The following CEP162 variants were observed in gnomAD, a reference collection of about 807,000 sequenced individuals.
The protein encoded by CEP162 is centrosomal protein 162.
A neutral mutation model predicts 169.2 loss-of-function variants in CEP162; 141 were observed. That is an observed-to-expected ratio of 0.83 (90% CI 0.73 to 0.96). The LOEUF is 0.96. CEP162 is among the 40% of genes least tolerant of loss of function. CEP162 has a pLI of 0.00. For synonymous variants in CEP162, 540 were observed against 526.4 expected (o/e 1.03, Z -0.35); for missense variants, 1,600 against 1,587.2 (o/e 1.01, Z -0.14).
rs2099551414 is a variant in CEP162, at chr6:84,215,998, A to T, written c.173-76T>A. 12 of 1,427,968 alleles carry T rather than the reference A, an allele frequency of 8.4e-6. No homozygotes were observed. The South Asian group carries it at 1.5e-4, about 17-fold the overall frequency. The allele number at this position is 1,427,968 out of a possible 1,614,324, so 88.5% of individuals were successfully genotyped here. A position where few individuals can be genotyped will look rare whatever the true frequency, so the allele number is the denominator to read the frequency against. On this transcript the variant is annotated intron_variant, in intron 3 of 26. Transcript: ENST00000403245. ...TGGCCACTATGACAACACAATAATA[A>T]TGTTATGCTAATTTTGTGCACAGTA...
chr6:84,154,655 A>G (rs771346352), intron 22 of CEP162, among the ~76,000 whole-genome samples: 1 of 152,222 alleles, frequency 6.6e-6, no homozygotes, highest in Non-Finnish European at 1.5e-5. Flanking sequence ...ATTATGCAAG[A>G]TGAACAGAGA....
At chr6:84,187,061 A>T (rs1465976032) in intron 11 of CEP162, among the ~76,000 whole-genome samples, 1 of 152,140 alleles carries the variant, frequency 6.6e-6, no homozygotes, top group Non-Finnish European at 1.5e-5. Flanking sequence ...AATAATCATA[A>T]ATTTGTATTA....
chr6:84,194,081 G>C (rs2099541039), intron 10 of CEP162, among the ~76,000 whole-genome samples: 1 of 152,100 alleles, frequency 6.6e-6, no homozygotes, highest in Non-Finnish European at 1.5e-5. Flanking sequence ...TGGGCCAGGC[G>C]CAGTGGCTCA....
chr6:84,200,827 C>G lies in CEP162; in HGVS notation c.797G>C (p.Cys266Ser). 6.2e-7 allele frequency: 1 copy of G among 1,610,590 alleles called. No homozygotes were observed. Among genetic ancestry groups the G allele is most frequent in the Non-Finnish European group, 8.5e-7 (1 of 1,177,086 alleles). Residue 266 changes from cysteine (C) to serine (S), a missense_variant, in exon 9 of 27, where the codon TGC becomes TCC. Cys to Ser is a moderately radical substitution (Grantham distance 112). Coordinates refer to ENST00000403245, the MANE Select transcript of CEP162 (RefSeq NM_014895.4). ...EQDKITPKPR[C>S]LPEMTENEMT... ...TTCATTCTCAGTCATTTCTGGTAGG[C>G]ACCTTGGCTTAGGTGTTATTTTATC...
rs148745743 is a variant in CEP162 at position 84,216,179 on chromosome 6, G to A, written c.173-257C>T. On this transcript the variant is annotated intron_variant, in intron 3 of 26. Coordinates refer to ENST00000403245, the MANE Select transcript of CEP162 (RefSeq NM_014895.4). ...CAAAATTTTTTAAAATTACTTTGAA[G>A]TAATTACAAGTACTTAATACAGTAT... 4.4e-3 allele frequency among the ~76,000 whole-genome samples: 669 copies of A among 152,248 alleles called. 18 individuals are homozygous for A. The highest frequency in any genetic ancestry group is 0.032 in the Admixed American group (483 of 15,292).
In CEP162 at chr6:84,200,906, C is replaced by A. The variant is rs1350469268; in HGVS notation, c.719-1G>T. Reference sequence around the variant, plus strand: ...GAGTCTAATGAATCAAGCAGCACAACTGGAAGAATATAAAAGAAAAATATA... The same window carrying A: ...GAGTCTAATGAATCAAGCAGCACAAATGGAAGAATATAAAAGAAAAATATA... On this transcript the variant is annotated splice_acceptor_variant, in intron 8 of 26. Coordinates refer to ENST00000403245, the MANE Select transcript of CEP162 (RefSeq NM_014895.4). LOFTEE classifies it high-confidence loss of function. 6.4e-7 allele frequency: 1 copy of A among 1,556,666 alleles called. No individual in the cohort carries two copies. Among genetic ancestry groups the A allele is most frequent in the Non-Finnish European group, 8.8e-7 (1 of 1,130,726 alleles).
intron 2 of CEP162, among the ~76,000 whole-genome samples, chr6:84,224,502 A>C (rs1055924430): frequency 6.6e-6 from 1 of 152,220 alleles, no homozygotes; most frequent in African/African-American, 2.4e-5. Context: ...ACAGAACTGC[A>C]CATTTAAAAT....
At chr6:84,170,266 C>T (rs1364888067) in intron 17 of CEP162, among the ~76,000 whole-genome samples, 2 of 145,272 alleles carry the variant, frequency 1.4e-5, no homozygotes, top group African/African-American at 2.5e-5. Context: ...CCCAGATACT[C>T]GGGAGGCTGA....
Position 84,139,574 on chromosome 6 carries a change from TGGAACCTGCA to T in CEP162, c.3870+7103_3870+7112del, listed in dbSNP as rs561703452. On this transcript the variant is annotated intron_variant, in intron 25 of 26. Transcript: ENST00000403245. Reference sequence around the variant, plus strand: ...ACTTTCTGGGATACCCCATCCACTCTGGAACCTGCAGATGAAATCCTAGCAAAACTGGCAG... The same window carrying T: ...ACTTTCTGGGATACCCCATCCACTCTGATGAAATCCTAGCAAAACTGGCAG... Among the ~76,000 whole-genome samples, 455 of 152,308 alleles carry T rather than the reference TGGAACCTGCA, an allele frequency of 3.0e-3. 1 individual carries two copies. The highest frequency in any genetic ancestry group is 0.01 in the African/African-American group (416 of 41,576).
intron 25 of CEP162, among the ~76,000 whole-genome samples, chr6:84,142,258 A>T (rs1482606043): frequency 1.3e-5 from 2 of 152,226 alleles, no homozygotes; most frequent in Non-Finnish European, 2.9e-5. Flanking sequence ...ACCTTAATTT[A>T]TTCTATCTGC....
At chr6:84,197,106 TATGGTAAAGACC>T (rs1347934134) in intron 9 of CEP162, among the ~76,000 whole-genome samples, 3 of 152,190 alleles carry the variant, frequency 2.0e-5, no homozygotes, top group African/African-American at 4.8e-5. Context: ...AAATGACTTC[TATGGTAAAGACC>T]ATAGTAGTAT....
At chr6:84,219,077 C>T (rs939792207) in intron 3 of CEP162, 10 of 768,756 alleles carry the variant, frequency 1.3e-5, no homozygotes, top group Middle Eastern at 2.9e-4. Flanking sequence ...ATGTAAAAGC[C>T]GCTCACTGTT....
intron 16 of CEP162, 60 bp from the exon 17 acceptor site, chr6:84,171,778 T>C: frequency 1.5e-6 from 1 of 645,344 alleles, no homozygotes; most frequent in Non-Finnish European, 2.5e-6. Context: ...TATAACATAA[T>C]ATATGTGCTC....
chr6:84,130,164 G>A (rs2099510706), intron 25 of CEP162, among the ~76,000 whole-genome samples: 1 of 152,146 alleles, frequency 6.6e-6, no homozygotes, highest in Non-Finnish European at 1.5e-5. Context: ...TATGTTTATT[G>A]ATTTGCGTAT....
At chr6:84,194,578 C>T (rs192641487) in intron 10 of CEP162, among the ~76,000 whole-genome samples, 13 of 151,924 alleles carry the variant, frequency 8.6e-5, no homozygotes, top group African/African-American at 2.4e-4. Context: ...CTCAGGCTCC[C>T]GAGTAGCTGG....
chr6:84,153,163 C>T lies in CEP162; in HGVS notation c.3011G>A (p.Arg1004Lys), dbSNP rs1471998299. The change falls in exon 23 of 27, where the codon AGA (arginine) becomes AAA (lysine). Residue 1004 changes from arginine (R) to lysine (K), a missense_variant. Coordinates refer to ENST00000403245, the MANE Select transcript of CEP162 (RefSeq NM_014895.4). Reference protein sequence around the residue: ...FQKMKIQYEQRLEQQEQLLAC... With the variant: ...FQKMKIQYEQKLEQQEQLLAC... ...AAGTAGCTGCTCCTGCTGCTCTAGTCTTTGTTCATACTGAATCTGAAGGAA... is the reference window on the plus strand; with the variant it reads ...AAGTAGCTGCTCCTGCTGCTCTAGTTTTTGTTCATACTGAATCTGAAGGAA... 1.3e-6 allele frequency: 2 copies of T among 1,599,914 alleles called. No homozygotes were observed. Among genetic ancestry groups the T allele is most frequent in the African/African-American group, 2.7e-5 (2 of 73,830 alleles).
intron 11 of CEP162, among the ~76,000 whole-genome samples, chr6:84,191,161 A>G (rs926444897): frequency 1.4e-5 from 2 of 145,808 alleles, no homozygotes; most frequent in Non-Finnish European, 3.0e-5. Context: ...TGTTCAAAAG[A>G]AAAAAAAAAA....
intron 7 of CEP162, 125 bp downstream of exon 7, chr6:84,203,856 C>T: frequency 2.1e-6 from 1 of 475,618 alleles, no homozygotes; most frequent in East Asian, 3.3e-5. Flanking sequence ...ATTAGGAGAC[C>T]TGTAAGTTTA....
intron 21 of CEP162, among the ~76,000 whole-genome samples, chr6:84,156,773 A>ACACACACACACACACAC (rs57139625): frequency 8.9e-4 from 122 of 137,418 alleles, no homozygotes; most frequent in African/African-American, 2.6e-3. Flanking sequence ...CACACACACA[A>ACACACACACACACACAC]ACACACTATT....
Sources: allele counts gnomAD v4.1 joint callset (sites outside exome capture counted in the v4.1 genomes callset), GRCh38; gene constraint gnomAD v4.1.1; transcripts MANE v1.5; gene names NCBI Gene and HGNC (gene_info 2026-07-23, HGNC 2026-07-21).